Variants in PIGN observed in about 807,000 individuals in gnomAD.
The protein encoded by PIGN is phosphatidylinositol glycan anchor biosynthesis class N.
A neutral mutation model predicts 125.4 loss-of-function variants in PIGN; 117 were observed. The observed-to-expected ratio is 0.93, with a 90% CI of 0.80 to 1.09. The LOEUF (loss-of-function observed/expected upper bound fraction) is 1.09. Ranked by LOEUF, PIGN falls within the 50% of genes least tolerant of loss-of-function variation. The pLI, the probability that PIGN is intolerant of heterozygous loss-of-function variation, is 0.00. For synonymous variants in PIGN, 392 were observed against 377.8 expected (o/e 1.04, Z -0.44); for missense variants, 1,075 against 1,094.9 (o/e 0.98, Z 0.26).
At chr18:62,086,259 T>TA (rs2033695290) in intron 25 of PIGN, among the ~76,000 whole-genome samples, 1 of 152,156 alleles carries the variant, frequency 6.6e-6, no homozygotes, top group Admixed American at 6.5e-5. Context: ...GATAGGAACT[T>TA]AGACTTTATC....
At chr18:62,172,364 A>C (rs916929976) in intron 1 of PIGN, among the ~76,000 whole-genome samples, 8 of 152,152 alleles carry the variant, frequency 5.3e-5, no homozygotes, top group African/African-American at 1.9e-4. Context: ...CAAGTACTTA[A>C]TTCCTTTCAG....
intron 14 of PIGN, among the ~76,000 whole-genome samples, chr18:62,132,147 C>CT (rs1477342259): frequency 3.3e-5 from 5 of 151,998 alleles, no homozygotes; most frequent in African/African-American, 9.7e-5. Context: ...CCCACATTTA[C>CT]TTGATATAGT....
chr18:62,075,790 A>T (rs905908779), intron 28 of PIGN: 1 of 152,222 alleles, frequency 6.6e-6, no homozygotes, highest in Middle Eastern at 3.2e-3. Context: ...AACTCTTTTC[A>T]GAGTGGTTGT....
At chr18:62,055,799 C>CAT (rs1342981000) in intron 30 of PIGN, among the ~76,000 whole-genome samples, 3 of 151,724 alleles carry the variant, frequency 2.0e-5, no homozygotes, top group Non-Finnish European at 2.9e-5. Flanking sequence ...GGCTAAAGGG[C>CAT]ATAGGTTGCT....
intron 23 of PIGN, among the ~76,000 whole-genome samples, chr18:62,093,176 T>C (rs2034041024): frequency 6.6e-6 from 1 of 152,106 alleles, no homozygotes; most frequent in Non-Finnish European, 1.5e-5. Flanking sequence ...GATTTGAAGT[T>C]ATATATGAAG....
intron 1 of PIGN, among the ~76,000 whole-genome samples, chr18:62,180,547 C>A (rs2037680867): frequency 6.6e-6 from 1 of 152,046 alleles, no homozygotes; most frequent in Non-Finnish European, 1.5e-5. Context: ...TTGAACAGGC[C>A]AAATTGGCAT....
At chr18:62,130,523 A>G (rs1393190399) in intron 14 of PIGN, among the ~76,000 whole-genome samples, 1 of 122,170 alleles carries the variant, frequency 8.2e-6, no homozygotes, top group African/African-American at 2.6e-5. Context: ...ATCTATAAAC[A>G]TGTCATGTTT....
At chr18:62,123,276 GA>G (rs1381399458) in intron 14 of PIGN, among the ~76,000 whole-genome samples, 1 of 151,932 alleles carries the variant, frequency 6.6e-6, no homozygotes, top group African/African-American at 2.4e-5. Context: ...GACTATAATA[GA>G]AAAAAATTCT....
intron 14 of PIGN, among the ~76,000 whole-genome samples, chr18:62,117,181 C>T (rs1026840847): frequency 6.6e-6 from 1 of 152,180 alleles, no homozygotes. Flanking sequence ...GACTCTCATA[C>T]ACTTGTCCCC....
intron 10 of PIGN, 36 bp downstream of exon 10, chr18:62,145,873 G>A (rs1370299228): frequency 1.0e-6 from 1 of 1,002,642 alleles, no homozygotes; most frequent in South Asian, 1.4e-5. Context: ...TATTTTAAGA[G>A]GTTGTATTTA....
chr18:62,084,594 G>T lies in PIGN; in HGVS notation c.2439C>A (p.Ala813=). Residue 813 remains alanine (A), a synonymous_variant, in exon 27 of 31, where the codon GCC becomes GCA. Coordinates refer to ENST00000640252, the MANE Select transcript of PIGN (RefSeq NM_176787.5). ...NIASINSFDL[A]SVYCFLTVFS... is the part of the protein sequence containing the mutation. Reference sequence around the variant, plus strand: ...ACACAGTCAGAAAGCAATAGACAGAGGCAAGATCAAAGCTAGGGAATTATA... The same window carrying T: ...ACACAGTCAGAAAGCAATAGACAGATGCAAGATCAAAGCTAGGGAATTATA... The T allele has an allele frequency of 6.4e-7, 1 of 1,553,508 alleles. No individual in the cohort carries two copies. Among genetic ancestry groups the T allele is most frequent in the Non-Finnish European group, 8.7e-7 (1 of 1,145,590 alleles).
chr18:62,141,419 C>A (rs2036130134), intron 11 of PIGN, among the ~76,000 whole-genome samples: 1 of 152,234 alleles, frequency 6.6e-6, no homozygotes, highest in Non-Finnish European at 1.5e-5. Flanking sequence ...CCACTCCTTT[C>A]TTGGCCTCAA....
intron 1 of PIGN, among the ~76,000 whole-genome samples, chr18:62,180,517 C>A (rs1392042665): frequency 6.6e-6 from 1 of 152,118 alleles, no homozygotes; most frequent in Non-Finnish European, 1.5e-5. Context: ...TTGATACTGT[C>A]ATATTTACCT....
chr18:62,105,557 TG>T lies in PIGN; in HGVS notation c.1844del (p.Pro615GlnfsTer5). On this transcript the variant is annotated frameshift_variant, in exon 20 of 31. Transcript: ENST00000640252. LOFTEE classifies it high-confidence loss of function. ...FPLMPVVGRK[P>X]DISLVMGAGL... is the part of the protein sequence containing the mutation. ...ATTATTCATACACTAGAGAGATGTC[TG>T]GCTTTCGACCTACAACCGGCATCAG... The T allele has an allele frequency of 6.5e-7, 1 of 1,543,644 alleles. No homozygotes were observed. Among genetic ancestry groups the T allele is most frequent in the Non-Finnish European group, 8.8e-7 (1 of 1,138,922 alleles).
chr18:62,136,057 T>C (rs1490027051), intron 14 of PIGN: 1 of 152,196 alleles, frequency 6.6e-6, no homozygotes, highest in African/African-American at 2.4e-5. Context: ...GCAAAACACA[T>C]ACTAGTCAAT....
At chr18:62,099,098 T>G (rs1277414489) in intron 22 of PIGN, among the ~76,000 whole-genome samples, 2 of 152,078 alleles carry the variant, frequency 1.3e-5, no homozygotes, top group Non-Finnish European at 2.9e-5. Context: ...CGAGTCATGT[T>G]AGTAAATGTG....
Position 62,088,750 on chromosome 18 carries a change from G to A in PIGN, c.2370+6C>T, listed in dbSNP as rs1568161744. On this transcript the variant is annotated splice_donor_region_variant and intron_variant, in intron 25 of 30. Coordinates refer to ENST00000640252, the MANE Select transcript of PIGN (RefSeq NM_176787.5). ...CTCTTTAAACCAAAGTCTCCACAAA[G>A]GATACAAGGAAAAAGGCCCTACGGA... The A allele has an allele frequency of 6.6e-7, 1 of 1,516,884 alleles. No homozygotes were observed. 94.0% of individuals were successfully genotyped at this position (1,516,884 alleles called of 1,614,324 possible). A position where few individuals can be genotyped will look rare whatever the true frequency, so the allele number is the denominator to read the frequency against.
intron 22 of PIGN, 34 bp downstream of exon 22, chr18:62,101,041 C>A: frequency 9.0e-7 from 1 of 1,116,800 alleles, no homozygotes; most frequent in South Asian, 1.2e-5. Context: ...AAGTTGATGT[C>A]AAATTACCTC....
At chr18:62,070,864 C>G (rs1293541435) in intron 30 of PIGN, among the ~76,000 whole-genome samples, 1 of 151,928 alleles carries the variant, frequency 6.6e-6, no homozygotes, top group East Asian at 1.9e-4. Flanking sequence ...AGTGCAGTGG[C>G]CCAGTCATGG....
Sources: allele counts gnomAD v4.1 joint callset (sites outside exome capture counted in the v4.1 genomes callset), GRCh38; gene constraint gnomAD v4.1.1; transcripts MANE v1.5; gene names NCBI Gene and HGNC (gene_info 2026-07-23, HGNC 2026-07-21).